Variants in PRKX observed in about 807,000 individuals in gnomAD.
PRKX encodes the protein protein kinase cAMP-dependent X-linked catalytic subunit, also known as cAMP-dependent protein kinase catalytic subunit PRKX.
Under a neutral mutation model 22.0 loss-of-function variants are expected in PRKX, and 12 were observed. The observed-to-expected ratio is 0.54, with a 90% CI of 0.35 to 0.88. The LOEUF is 0.88. Ranked by LOEUF, PRKX falls within the 40% of genes least tolerant of loss-of-function variation. PRKX has a pLI of 0.01. For missense variants in PRKX, 217 were observed against 308.0 expected, an observed-to-expected ratio of 0.70 and a Z score of 2.21; for synonymous variants, 134 against 137.7, an observed-to-expected ratio of 0.97 and a Z score of 0.19.
intron 1 of PRKX, among the ~76,000 whole-genome samples, chrX:3,688,241 T>A (rs774627080): frequency 0.074 from 7,176 of 96,441 alleles, 549 homozygotes; most frequent in East Asian, 0.23. Flanking sequence ...AGGCCAAGAG[T>A]TCGAGACCAG....
chrX:3,656,415 T>C (rs1277135809), intron 2 of PRKX, among the ~76,000 whole-genome samples: 4 of 111,638 alleles, frequency 3.6e-5, no homozygotes, highest in Non-Finnish European at 5.7e-5. Flanking sequence ...AACAGAGGTA[T>C]AGAGAGATGT....
Position 3,608,662 on chromosome X carries a change from T to A in PRKX, c.*307A>T. 1 of 109,799 alleles carries A rather than the reference T, an allele frequency of 9.1e-6. No individual in the cohort carries two copies. Among genetic ancestry groups the A allele is most frequent in the African/African-American group, 3.3e-5 (1 of 30,109 alleles). The allele number at this position is 109,799 out of a possible 1,213,427, so 9.0% of individuals were successfully genotyped here. ...ATCGAACAAGTCCAGTTCAAACTTA[T>A]AAACTTAAGTCTATGACAAAAACCA... On this transcript the variant is annotated 3_prime_UTR_variant, in exon 9 of 9. Transcript: ENST00000262848.
chrX:3,625,669 T>A (rs778389135), intron 5 of PRKX, among the ~76,000 whole-genome samples: 1 of 110,837 alleles, frequency 9.0e-6, no homozygotes, highest in East Asian at 2.8e-4. Context: ...CCTCCTGGGT[T>A]CAAGCGATTC....
chrX:3,675,866 A>G (rs1337210084), intron 1 of PRKX, among the ~76,000 whole-genome samples: 1 of 110,896 alleles, frequency 9.0e-6, no homozygotes, highest in Non-Finnish European at 1.9e-5. Context: ...TGTAGCCTCT[A>G]CCTCCTGGGC....
intron 1 of PRKX, among the ~76,000 whole-genome samples, chrX:3,705,017 G>A (rs1403220565): frequency 2.7e-5 from 3 of 111,885 alleles, no homozygotes; most frequent in African/African-American, 6.5e-5. Flanking sequence ...GGTAATGATA[G>A]ACCAGCGCAT....
intron 2 of PRKX, among the ~76,000 whole-genome samples, chrX:3,663,321 C>T (rs113838220): frequency 2.8e-5 from 3 of 107,518 alleles, no homozygotes; most frequent in Non-Finnish European, 5.7e-5. Flanking sequence ...CAAGGCATGG[C>T]GGTGTGCACC....
intron 2 of PRKX, among the ~76,000 whole-genome samples, chrX:3,662,232 C>A (rs1459670073): frequency 9.0e-6 from 1 of 110,709 alleles, no homozygotes; most frequent in African/African-American, 3.3e-5. Context: ...TCTGTCCCCA[C>A]AGCTGAAGGC....
chrX:3,610,600 G>C (rs1926274986), intron 8 of PRKX, among the ~76,000 whole-genome samples: 1 of 111,257 alleles, frequency 9.0e-6, no homozygotes, highest in Non-Finnish European at 1.9e-5. Context: ...ATGCATACCA[G>C]ATGGAGAAAG....
chrX:3,678,520 C>G (rs1185151598), intron 1 of PRKX, among the ~76,000 whole-genome samples: 1 of 112,173 alleles, frequency 8.9e-6, no homozygotes, highest in Non-Finnish European at 1.9e-5. Context: ...TTAAAGCTTT[C>G]TCTGAGCTGT....
chrX:3,606,823 T>C lies in PRKX; in HGVS notation c.*2146A>G, dbSNP rs1926184768. On this transcript the variant is annotated 3_prime_UTR_variant, in exon 9 of 9. Transcript: ENST00000262848. ...GCTTGTGTCACTTCAAATGCTGAAA[T>C]GTGTGTGATGGTCCAAAGTGGGTTT... 8.9e-6 allele frequency: 1 copy of C among 112,443 alleles called. No homozygotes were observed. Among genetic ancestry groups the C allele is most frequent in the East Asian group, 2.8e-4 (1 of 3,585 alleles). The allele number at this position is 112,443 out of a possible 1,213,427, so 9.3% of individuals were successfully genotyped here.
At chrX:3,645,332 A>G (rs374024600) in intron 3 of PRKX, among the ~76,000 whole-genome samples, 2 of 111,144 alleles carry the variant, frequency 1.8e-5, no homozygotes, top group African/African-American at 6.5e-5. Flanking sequence ...GATTATCTAT[A>G]AAGTATAGAT....
At chrX:3,662,130 G>A (rs923032612) in intron 2 of PRKX, among the ~76,000 whole-genome samples, 3 of 111,365 alleles carry the variant, frequency 2.7e-5, no homozygotes, top group African/African-American at 6.5e-5. Context: ...GGCTTGATGT[G>A]GAACAGACAT....
intron 1 of PRKX, among the ~76,000 whole-genome samples, chrX:3,706,935 G>A (rs1928697213): frequency 9.0e-6 from 1 of 111,463 alleles, no homozygotes; most frequent in Non-Finnish European, 1.9e-5. Context: ...GACCAGCCTG[G>A]GCAACATAGC....
chrX:3,694,914 G>T (rs895657333), intron 1 of PRKX, among the ~76,000 whole-genome samples: 1 of 112,110 alleles, frequency 8.9e-6, no homozygotes, highest in African/African-American at 3.2e-5. Context: ...CTCCCCCAGA[G>T]CCTCCAGAGG....
At chrX:3,622,509 T>A (rs2146560974) in intron 5 of PRKX, among the ~76,000 whole-genome samples, 1 of 110,036 alleles carries the variant, frequency 9.1e-6, no homozygotes, top group South Asian at 4.0e-4. Context: ...GACTGTGGAG[T>A]CTCCGACAAG....
intron 4 of PRKX, among the ~76,000 whole-genome samples, chrX:3,636,229 C>T (rs1926884408): frequency 8.9e-6 from 1 of 112,035 alleles, no homozygotes; most frequent in South Asian, 3.7e-4. Flanking sequence ...AGTGGGAATC[C>T]AGCAAATGGA....
At chrX:3,709,816 T>C (rs182474201) in intron 1 of PRKX, among the ~76,000 whole-genome samples, 1 of 110,788 alleles carries the variant, frequency 9.0e-6, no homozygotes, top group Non-Finnish European at 1.9e-5. Context: ...ATAGAGAGGA[T>C]CTCGCTCTAT....
chrX:3,605,693 T>G lies in PRKX; in HGVS notation c.*3276A>C, dbSNP rs1926153579. ...TCAAAGCAAACAAATGATTTGGTCT[T>G]TAAGTATGGACAGAAAGAAACAAAA... On this transcript the variant is annotated 3_prime_UTR_variant, in exon 9 of 9. Coordinates refer to ENST00000262848, the MANE Select transcript of PRKX (RefSeq NM_005044.5). 1.8e-5 allele frequency: 2 copies of G among 112,063 alleles called. No individual in the cohort carries two copies. Among genetic ancestry groups the G allele is most frequent in the African/African-American group, 6.5e-5 (2 of 30,833 alleles). 9.2% of individuals were successfully genotyped at this position (112,063 alleles called of 1,213,427 possible). A position where few individuals can be genotyped will look rare whatever the true frequency, so the allele number is the denominator to read the frequency against.
chrX:3,605,834 G>A lies in PRKX; in HGVS notation c.*3135C>T, dbSNP rs996019848. On this transcript the variant is annotated 3_prime_UTR_variant, in exon 9 of 9. Coordinates refer to ENST00000262848, the MANE Select transcript of PRKX (RefSeq NM_005044.5). ...AAGCGCGCAATCTTACCCCACTGCTGGGGGGTTTCTGCTTCTTATTCTATC... is the reference window on the plus strand; with the variant it reads ...AAGCGCGCAATCTTACCCCACTGCTAGGGGGTTTCTGCTTCTTATTCTATC... The A allele has an allele frequency of 6.3e-5, 7 of 111,996 alleles. No homozygotes were observed. The highest frequency in any genetic ancestry group is 2.3e-4 in the African/African-American group (7 of 30,800). The allele number at this position is 111,996 out of a possible 1,213,427, so 9.2% of individuals were successfully genotyped here.
Sources: gnomAD v4.1 joint callset for allele counts (sites outside exome capture counted in the v4.1 genomes callset) on GRCh38, gnomAD v4.1.1 for gene constraint, MANE v1.5 for transcripts, NCBI Gene and HGNC (gene_info 2026-07-23, HGNC 2026-07-21) for gene names.